Variants in PHF8 observed in about 807,000 individuals in gnomAD.
The protein encoded by PHF8 is histone lysine demethylase PHF8.
Under a neutral mutation model 74.4 loss-of-function variants are expected in PHF8, and 9 were observed. That is an observed-to-expected ratio of 0.12 (90% confidence interval 0.07 to 0.21). The LOEUF is 0.21. PHF8 is among the 10% of genes least tolerant of loss of function. PHF8 has a pLI of 1.00. For missense variants in PHF8, 478 were observed against 816.6 expected, an observed-to-expected ratio of 0.59 and a Z score of 5.05; for synonymous variants, 311 against 316.6, an observed-to-expected ratio of 0.98 and a Z score of 0.19.
intron 18 of PHF8, among the ~76,000 whole-genome samples, chrX:53,974,619 T>C (rs781927419): frequency 8.9e-6 from 1 of 112,028 alleles, no homozygotes; most frequent in Non-Finnish European, 1.9e-5. Context: ...GTATGTTCAC[T>C]GCAGCAGTAT....
chrX:54,024,661 G>A (rs1261825483), intron 2 of PHF8, among the ~76,000 whole-genome samples: 18 of 111,617 alleles, frequency 1.6e-4, no homozygotes, highest in Non-Finnish European at 1.9e-5. Context: ...CTCTACACCG[G>A]TGCCACTCAA....
chrX:53,969,555 A>G, intron 18 of PHF8, among the ~76,000 whole-genome samples: 1 of 112,052 alleles, frequency 8.9e-6, no homozygotes, highest in Middle Eastern at 4.6e-3. Context: ...CCCAAAAACG[A>G]TCTATAGATT....
chrX:54,030,529 A>G (rs1557112331), intron 2 of PHF8, among the ~76,000 whole-genome samples: 1 of 112,211 alleles, frequency 8.9e-6, no homozygotes, highest in Non-Finnish European at 1.9e-5. Flanking sequence ...CACTGCCCTC[A>G]TGGACTGGAC....
intron 2 of PHF8, among the ~76,000 whole-genome samples, chrX:54,025,328 A>G (rs952669249): frequency 9.1e-6 from 1 of 110,049 alleles, no homozygotes; most frequent in Non-Finnish European, 1.9e-5. Context: ...ATTCTCCCAT[A>G]CCCTCATAAC....
At chrX:54,006,892 C>T (rs1377419409) in intron 8 of PHF8, among the ~76,000 whole-genome samples, 1 of 104,133 alleles carries the variant, frequency 9.6e-6, no homozygotes, top group African/African-American at 3.5e-5. Flanking sequence ...GAGCTGAGAC[C>T]GCAACCATTG....
chrX:53,984,437 G>A lies in PHF8; in HGVS notation c.2443+477C>T, dbSNP rs189283823. Among the ~76,000 whole-genome samples, 11 of 111,775 alleles carry A rather than the reference G, an allele frequency of 9.8e-5. 1 individual carries two copies. Among genetic ancestry groups the A allele is most frequent in the South Asian group, 3.8e-4 (1 of 2,662 alleles). On this transcript the variant is annotated intron_variant, in intron 18 of 21. Coordinates refer to ENST00000338154, the MANE Select transcript of PHF8 (RefSeq NM_015107.3). ...TCACCTGTATTACACAAGAGTGCCT[G>A]ATACACTGTGGTACTCAATAAAATC...
At chrX:54,011,429 T>C in intron 7 of PHF8, 145 bp from the exon 8 acceptor site, 1 of 506,261 alleles carries the variant, frequency 2.0e-6, no homozygotes, top group Non-Finnish European at 3.4e-6. Flanking sequence ...CAATTATCAT[T>C]TCTTTGTGGA....
intron 2 of PHF8, among the ~76,000 whole-genome samples, chrX:54,040,444 A>G (rs2066533124): frequency 1.8e-5 from 2 of 112,215 alleles, no homozygotes; most frequent in Non-Finnish European, 3.7e-5. Flanking sequence ...AGCTCTGGCT[A>G]ACGAATGACA....
At chrX:53,940,076 G>T in intron 21 of PHF8, 104 bp downstream of exon 21, 1 of 591,168 alleles carries the variant, frequency 1.7e-6, no homozygotes, top group Non-Finnish European at 2.8e-6. Context: ...ACCTTAGGTT[G>T]GCCTTCAGTG....
intron 19 of PHF8, among the ~76,000 whole-genome samples, chrX:53,960,573 C>T (rs1557090468): frequency 1.9e-5 from 2 of 106,260 alleles, no homozygotes; most frequent in African/African-American, 3.4e-5. Flanking sequence ...CATGGTGAAA[C>T]CCCATCTCTA....
At position 54,017,826 on chromosome X, in the gene PHF8, G is replaced by A. The variant is rs782596058; in HGVS notation, c.294-5C>T. On this transcript the variant is annotated splice_polypyrimidine_tract_variant and splice_region_variant and intron_variant, in intron 4 of 21. Coordinates refer to ENST00000338154, the MANE Select transcript of PHF8 (RefSeq NM_015107.3). ...TTCAGAATCACTTCATCTGAGCTGT[G>A]GGCCGCAGGAGAGAAAGCTTGAGCC... is the stretch of plus-strand genomic sequence containing the variant. 3.3e-6 allele frequency: 4 copies of A among 1,209,364 alleles called. No individual in the cohort carries two copies. Among genetic ancestry groups the A allele is most frequent in the Non-Finnish European group, 4.5e-6 (4 of 893,599 alleles).
chrX:53,955,493 G>C (rs1415130433), intron 19 of PHF8, among the ~76,000 whole-genome samples: 1 of 108,416 alleles, frequency 9.2e-6, no homozygotes, highest in African/African-American at 3.3e-5. Context: ...CAGATACAAT[G>C]ATGGCCAAAA....
chrX:54,029,151 C>A (rs1420795842), intron 2 of PHF8, among the ~76,000 whole-genome samples: 1 of 111,566 alleles, frequency 9.0e-6, no homozygotes, highest in Non-Finnish European at 1.9e-5. Context: ...TCCTTACTGC[C>A]CCTGCGCTAG....
intron 2 of PHF8, among the ~76,000 whole-genome samples, chrX:54,029,603 G>A (rs1557112114): frequency 8.9e-6 from 1 of 112,066 alleles, no homozygotes; most frequent in African/African-American, 3.2e-5. Flanking sequence ...TTGGGTATAG[G>A]GATAACTCAA....
At chrX:54,004,203 G>GT (rs1189628231) in intron 8 of PHF8, among the ~76,000 whole-genome samples, 39 of 111,386 alleles carry the variant, frequency 3.5e-4, no homozygotes, top group African/African-American at 1.2e-3. Flanking sequence ...CAATCCATCA[G>GT]TTACTAAATG....
At position 54,043,907 on chromosome X, in the gene PHF8, C is replaced by G; in HGVS notation, c.-238G>C. On this transcript the variant is annotated 5_prime_UTR_variant, in exon 1 of 22. Transcript: ENST00000338154. The stretch of plus-strand genomic sequence containing the variant: ...CCCGCGGAGCTCAGCCCCAGCGACA[C>G]GCCGGCAGCCGGGCTAGCTCCGGGA... 1 of 754,728 alleles carries G rather than the reference C, an allele frequency of 1.3e-6. No homozygotes were observed. The highest frequency in any genetic ancestry group is 1.6e-6 in the Non-Finnish European group (1 of 639,242). 62.2% of individuals were successfully genotyped at this position (754,728 alleles called of 1,213,427 possible). A position where few individuals can be genotyped will look rare whatever the true frequency, so the allele number is the denominator to read the frequency against.
rs1331736682 is a variant in PHF8 at position 54,002,529 on chromosome X, C to T, written c.1034+66G>A. 1.8e-5 allele frequency: 13 copies of T among 717,517 alleles called. No homozygotes were observed. The African/African-American group carries it at 2.5e-4, about 14-fold the overall frequency. 59.1% of individuals were successfully genotyped at this position (717,517 alleles called of 1,213,427 possible). A position where few individuals can be genotyped will look rare whatever the true frequency, so the allele number is the denominator to read the frequency against. On this transcript the variant is annotated intron_variant, in intron 9 of 21. Coordinates refer to ENST00000338154, the MANE Select transcript of PHF8 (RefSeq NM_015107.3). ...TTTCTGGCCATGTCCCCTCCTTCTA[C>T]ATTATACTCCTCACTCTAGCAGACA...
intron 8 of PHF8, among the ~76,000 whole-genome samples, chrX:54,010,383 T>C (rs868962146): frequency 9.0e-6 from 1 of 111,714 alleles, no homozygotes; most frequent in African/African-American, 3.3e-5. Flanking sequence ...TTAGATTAAA[T>C]AGACCAATTC....
intron 19 of PHF8, among the ~76,000 whole-genome samples, chrX:53,948,445 G>A (rs1339344272): frequency 9.1e-6 from 1 of 110,302 alleles, no homozygotes; most frequent in Admixed American, 9.6e-5. Flanking sequence ...GCTAATTTTT[G>A]TATTTTTAGT....
Sources: allele counts gnomAD v4.1 joint callset (sites outside exome capture counted in the v4.1 genomes callset), GRCh38; gene constraint gnomAD v4.1.1; transcripts MANE v1.5; gene names NCBI Gene and HGNC (gene_info 2026-07-23, HGNC 2026-07-21).